The following NBAS variants were observed in gnomAD, a reference collection of about 807,000 sequenced individuals.
The protein encoded by NBAS is NAG/BC035112 fusion.
A neutral mutation model predicts 302.5 loss-of-function variants in NBAS; 219 were observed. The observed-to-expected ratio is 0.72, with a 90% CI of 0.65 to 0.81. The LOEUF is 0.81. Among genes scored for constraint, NBAS ranks in the 30% least tolerant of loss-of-function variants. The pLI, the probability that NBAS is intolerant of heterozygous loss-of-function variation, is 0.00. For missense variants in NBAS, 2,932 were observed against 2,841.6 expected, an observed-to-expected ratio of 1.03 and a Z score of -0.72; for synonymous variants, 1,118 against 1,021.6, an observed-to-expected ratio of 1.09 and a Z score of -1.80.
chr2:14,840,272 C>A, the NBAS span, among the ~76,000 whole-genome samples: 2 of 151,648 alleles, frequency 1.3e-5, no homozygotes, highest in African/African-American at 4.8e-5. Flanking sequence ...GGAAAATCAC[C>A]TACAAGATAT....
At chr2:15,235,567 T>C (rs1667554461) in intron 45 of NBAS, among the ~76,000 whole-genome samples, 1 of 152,224 alleles carries the variant, frequency 6.6e-6, no homozygotes, top group South Asian at 2.1e-4. Context: ...AAACTCTGAA[T>C]ATAACTGAAT....
chr2:15,179,033 C>T lies in NBAS; in HGVS notation c.6795G>A (p.Glu2265=). The part of the protein sequence containing the change: ...SLKLLLESRD[E]HLHEMALEQI... ...GCTCCAGTGCCATCTCGTGCAGATG[C>T]TCATCTCGGCTCTCGAGGAGAAGTT... The change falls in exon 51 of 52, where the codon GAG becomes GAA. Residue 2265 remains glutamate (E), a synonymous_variant. Coordinates refer to ENST00000281513, the MANE Select transcript of NBAS (RefSeq NM_015909.4). The T allele has an allele frequency of 6.2e-7, 1 of 1,613,960 alleles. No individual in the cohort carries two copies. Among genetic ancestry groups the T allele is most frequent in the Non-Finnish European group, 8.5e-7 (1 of 1,180,014 alleles).
intron 21 of NBAS, among the ~76,000 whole-genome samples, 165 bp from the exon 22 acceptor site, chr2:15,427,959 T>C (rs961276521): frequency 6.0e-5 from 9 of 150,650 alleles, no homozygotes; most frequent in Admixed American, 4.6e-4. Context: ...ACTATATAAA[T>C]GGGAAATACC....
intron 35 of NBAS, among the ~76,000 whole-genome samples, 179 bp from the exon 36 acceptor site, chr2:15,330,944 G>A (rs751081689): frequency 2.0e-5 from 3 of 152,096 alleles, no homozygotes; most frequent in Admixed American, 2.0e-4. Flanking sequence ...TCAACATATT[G>A]TTCCTCTCTC....
At chr2:15,169,223 C>A (rs917498193) in intron 51 of NBAS, among the ~76,000 whole-genome samples, 1 of 152,146 alleles carries the variant, frequency 6.6e-6, no homozygotes, top group Non-Finnish European at 1.5e-5. Context: ...TACAGCCCAC[C>A]TTTGACCCCA....
At chr2:15,351,917 T>A in intron 35 of NBAS, 75 bp downstream of exon 35, 9 of 1,050,374 alleles carry the variant, frequency 8.6e-6, no homozygotes, top group African/African-American at 1.6e-5. Flanking sequence ...ACCCCTCTCA[T>A]CCACAAGGTT....
At chr2:15,135,122 AATC>A in the NBAS span, among the ~76,000 whole-genome samples, 21 of 152,198 alleles carry the variant, frequency 1.4e-4, no homozygotes, top group African/African-American at 4.8e-4. Flanking sequence ...CATAAAGTAT[AATC>A]ATAAAAGATT....
At chr2:15,470,093 A>G (rs1271738723) in intron 16 of NBAS, among the ~76,000 whole-genome samples, 1 of 152,060 alleles carries the variant, frequency 6.6e-6, no homozygotes, top group African/African-American at 2.4e-5. Flanking sequence ...ATTCCCTAGG[A>G]TCCTTTATAT....
chr2:15,204,606 AC>A (rs1666051481), intron 48 of NBAS, among the ~76,000 whole-genome samples: 1 of 152,292 alleles, frequency 6.6e-6, no homozygotes, highest in South Asian at 2.1e-4. Context: ...CTAGGAACCA[AC>A]CCAAATGTCT....
rs540646118 is a variant in NBAS at position 15,205,715 on chromosome 2, C to G, written c.6432+13058G>C. On this transcript the variant is annotated intron_variant, in intron 48 of 51. Coordinates refer to ENST00000281513, the MANE Select transcript of NBAS (RefSeq NM_015909.4). The stretch of plus-strand genomic sequence containing the variant: ...ACTGAGTCATGGGGGTGGACTTCCC[C>G]TTTGCTGTTCTTGTCATAGAGTTCT... 2.5e-4 allele frequency among the ~76,000 whole-genome samples: 38 copies of G among 152,180 alleles called. No individual in the cohort carries two copies. The South Asian group carries it at 6.4e-3, about 26-fold the overall frequency.
chr2:15,146,179 T>A, the NBAS span, among the ~76,000 whole-genome samples: 2 of 152,156 alleles, frequency 1.3e-5, no homozygotes, highest in Non-Finnish European at 2.9e-5. Flanking sequence ...GTTACTTAAA[T>A]GCTTGTGCTT....
intron 12 of NBAS, among the ~76,000 whole-genome samples, chr2:15,480,726 A>G (rs1221560688): frequency 6.6e-6 from 1 of 152,226 alleles, no homozygotes; most frequent in Non-Finnish European, 1.5e-5. Flanking sequence ...AAAAAGGAGA[A>G]CAGTTTAATA....
At chr2:15,354,541 T>C (rs975388158) in intron 33 of NBAS, among the ~76,000 whole-genome samples, 1 of 152,220 alleles carries the variant, frequency 6.6e-6, no homozygotes, top group Non-Finnish European at 1.5e-5. Flanking sequence ...CAGACAGCCA[T>C]AGTTATTCTA....
intron 48 of NBAS, among the ~76,000 whole-genome samples, chr2:15,205,858 T>C (rs1446501259): frequency 1.3e-5 from 2 of 152,220 alleles, no homozygotes; most frequent in Admixed American, 6.5e-5. Flanking sequence ...TTCCGCCATG[T>C]GGAACTGTGA....
In NBAS at chr2:15,540,696, C is replaced by A. The variant is rs181775822; in HGVS notation, c.380-1340G>T. On this transcript the variant is annotated intron_variant, in intron 6 of 51. Transcript: ENST00000281513. ...ATACCACGACAACCTGGCAAATGAG[C>A]AAATATATGCCTTTTGTTTTGTTTT... is the stretch of plus-strand genomic sequence containing the variant. 3.9e-3 allele frequency among the ~76,000 whole-genome samples: 589 copies of A among 149,308 alleles called. 13 individuals carry two copies. The South Asian group carries it at 0.066, about 17-fold the overall frequency.
At chr2:15,044,881 C>A in the NBAS span, among the ~76,000 whole-genome samples, 4 of 152,186 alleles carry the variant, frequency 2.6e-5, no homozygotes, top group Admixed American at 2.0e-4. Flanking sequence ...GAACATTTAG[C>A]CTTCTGTTTG....
chr2:14,984,161 T>C, the NBAS span, among the ~76,000 whole-genome samples: 3 of 152,222 alleles, frequency 2.0e-5, no homozygotes, highest in African/African-American at 7.2e-5. Context: ...CAGCGCCCTC[T>C]GCCCAAGCCC....
At chr2:15,401,304 T>C (rs189558706) in intron 26 of NBAS, among the ~76,000 whole-genome samples, 1 of 152,068 alleles carries the variant, frequency 6.6e-6, no homozygotes, top group Non-Finnish European at 1.5e-5. Context: ...AAATAAAAAT[T>C]TCCTTTAGTC....
intron 35 of NBAS, among the ~76,000 whole-genome samples, chr2:15,345,199 G>A (rs1673034352): frequency 6.6e-6 from 1 of 152,084 alleles, no homozygotes; most frequent in East Asian, 1.9e-4. Context: ...ATTCAAATAG[G>A]AAGACAGGAA....
Sources: gnomAD v4.1 joint callset for allele counts (sites outside exome capture counted in the v4.1 genomes callset) on GRCh38, gnomAD v4.1.1 for gene constraint, MANE v1.5 for transcripts, NCBI Gene and HGNC (gene_info 2026-07-23, HGNC 2026-07-21) for gene names.